The following PHACTR3 variants were observed in gnomAD, a reference collection of about 807,000 sequenced individuals.
PHACTR3 encodes protein phosphatase 1, regulatory subunit 123.
PHACTR3 carries 16 observed loss-of-function variants against 66.8 expected under a neutral mutation model. That is an observed-to-expected ratio of 0.24 (90% CI 0.16 to 0.36). The LOEUF is 0.36. Ranked by LOEUF, PHACTR3 falls within the 10% of genes least tolerant of loss-of-function variation. PHACTR3 has a pLI of 1.00. For synonymous variants in PHACTR3, 323 were observed against 292.1 expected (o/e 1.11, Z -1.08); for missense variants, 647 against 719.9 (o/e 0.90, Z 1.16).
intron 1 of PHACTR3, among the ~76,000 whole-genome samples, chr20:59,682,215 C>G (rs549816678): frequency 6.6e-6 from 1 of 152,190 alleles, no homozygotes; most frequent in Non-Finnish European, 1.5e-5. Context: ...TGGCGTGCAC[C>G]TGTAGTCCCA....
chr20:59,694,823 G>A (rs972908361), intron 1 of PHACTR3, among the ~76,000 whole-genome samples: 2 of 152,150 alleles, frequency 1.3e-5, no homozygotes, highest in African/African-American at 2.4e-5. Flanking sequence ...AGGGACAGGG[G>A]GAAATGCTGT....
At chr20:59,776,395 CTG>C (rs1400666212) in intron 7 of PHACTR3, among the ~76,000 whole-genome samples, 1 of 152,218 alleles carries the variant, frequency 6.6e-6, no homozygotes, top group African/African-American at 2.4e-5. Context: ...GCTTTCCGCT[CTG>C]TGCTAGACCC....
intron 8 of PHACTR3, among the ~76,000 whole-genome samples, chr20:59,811,539 G>T (rs2041736164): frequency 6.6e-6 from 1 of 152,144 alleles, no homozygotes; most frequent in Non-Finnish European, 1.5e-5. Flanking sequence ...GGTGCCTGTA[G>T]TCCAAGCTAC....
At chr20:59,748,306 T>A (rs2039447584) in intron 3 of PHACTR3, among the ~76,000 whole-genome samples, 1 of 152,100 alleles carries the variant, frequency 6.6e-6, no homozygotes, top group South Asian at 2.1e-4. Flanking sequence ...GCACGCCCTG[T>A]CTCATTGGTC....
intron 1 of PHACTR3, among the ~76,000 whole-genome samples, chr20:59,717,950 C>T (rs1379796385): frequency 1.3e-5 from 2 of 152,138 alleles, no homozygotes; most frequent in Admixed American, 1.3e-4. Context: ...AATGGACCTC[C>T]CATCCAGGTT....
chr20:59,616,958 C>G (rs1165405024), intron 1 of PHACTR3, among the ~76,000 whole-genome samples: 3 of 152,128 alleles, frequency 2.0e-5, no homozygotes, highest in Non-Finnish European at 4.4e-5. Flanking sequence ...GCTTTCCCCG[C>G]TCGCTTCCCC....
rs140304628 is a variant in PHACTR3, at chr20:59,752,017, T to C, written c.359-3165T>C. On this transcript the variant is annotated intron_variant, in intron 3 of 12. Coordinates refer to ENST00000371015, the MANE Select transcript of PHACTR3 (RefSeq NM_080672.5). ...TTGACTTGGCATTTTCTTAAATAATTTAAGGAATTTCCTACCCCGTCATTG... is the reference window on the plus strand; with the variant it reads ...TTGACTTGGCATTTTCTTAAATAATCTAAGGAATTTCCTACCCCGTCATTG... 2.4e-4 allele frequency among the ~76,000 whole-genome samples: 36 copies of C among 152,274 alleles called. 1 individual carries two copies. In the East Asian group the frequency reaches 7.0e-3, roughly 29 times the overall value.
chr20:59,781,750 A>G (rs996911473), intron 7 of PHACTR3, among the ~76,000 whole-genome samples: 1 of 152,322 alleles, frequency 6.6e-6, no homozygotes. Flanking sequence ...GACTATGTAC[A>G]TATTAATATG....
intron 1 of PHACTR3, among the ~76,000 whole-genome samples, chr20:59,589,266 C>G (rs767774280): frequency 1.3e-5 from 2 of 152,144 alleles, no homozygotes; most frequent in Non-Finnish European, 2.9e-5. Context: ...GGTGAGGGCG[C>G]CAGAATTTAA....
rs1309635799 is a variant in PHACTR3, at chr20:59,841,503, A to G, written c.1555A>G (p.Lys519Glu). Residue 519 changes from lysine to glutamate, a missense_variant, in exon 11 of 13, where the codon AAA becomes GAA. Lys to Glu is a moderately conservative substitution (Grantham distance 56). Coordinates refer to ENST00000371015, the MANE Select transcript of PHACTR3 (RefSeq NM_080672.5). Reference sequence around the variant, plus strand: ...GCAGGACTATGACAGGAGGGCAGACAAACCCTGGACGAGACTGTCAGCAGC... The same window carrying G: ...GCAGGACTATGACAGGAGGGCAGACGAACCCTGGACGAGACTGTCAGCAGC... Reference protein sequence around the residue: ...KAQDYDRRADKPWTRLSAADK... With the variant: ...KAQDYDRRADEPWTRLSAADK... 6.2e-7 allele frequency: 1 copy of G among 1,613,562 alleles called. No homozygotes were observed. The highest frequency in any genetic ancestry group is 8.5e-7 in the Non-Finnish European group (1 of 1,179,710).
At chr20:59,751,343 T>C (rs2039573568) in intron 3 of PHACTR3, among the ~76,000 whole-genome samples, 1 of 152,190 alleles carries the variant, frequency 6.6e-6, no homozygotes, top group Admixed American at 6.5e-5. Context: ...GGACAGGCCC[T>C]GTGAGGCTGT....
intron 1 of PHACTR3, among the ~76,000 whole-genome samples, chr20:59,653,775 A>T (rs2035531355): frequency 6.6e-6 from 1 of 152,218 alleles, no homozygotes; most frequent in South Asian, 2.1e-4. Context: ...AAAATCTTAC[A>T]TTTAAATTAG....
At chr20:59,584,468 G>A (rs1204215189) in intron 1 of PHACTR3, among the ~76,000 whole-genome samples, 1 of 152,140 alleles carries the variant, frequency 6.6e-6, no homozygotes, top group Non-Finnish European at 1.5e-5. Flanking sequence ...GTGTGAAGGT[G>A]TGCGTGAGTG....
At position 59,847,108 on chromosome 20, in the gene PHACTR3, T is replaced by A. The variant is rs1600771153; in HGVS notation, c.1665-7T>A. The A allele has an allele frequency of 3.9e-6, 6 of 1,519,730 alleles. No homozygotes were observed. In the East Asian group the frequency reaches 1.1e-4, roughly 29 times the overall value. The allele number at this position is 1,519,730 out of a possible 1,614,324, so 94.1% of individuals were successfully genotyped here. A position where few individuals can be genotyped will look rare whatever the true frequency, so the allele number is the denominator to read the frequency against. Reference sequence around the variant, plus strand: ...CTTAAATTCTTTGTCTTTTTTATAATCTCTAGATTCCACAGGCCATAGAGA... The same window carrying A: ...CTTAAATTCTTTGTCTTTTTTATAAACTCTAGATTCCACAGGCCATAGAGA... On this transcript the variant is annotated splice_region_variant and splice_polypyrimidine_tract_variant and intron_variant, in intron 12 of 12. Transcript: ENST00000371015.
At chr20:59,579,955 G>C (rs1416898894) in intron 1 of PHACTR3, among the ~76,000 whole-genome samples, 1 of 152,144 alleles carries the variant, frequency 6.6e-6, no homozygotes, top group East Asian at 1.9e-4. Context: ...CCGTGGGAGA[G>C]GGGAGGTCTG....
intron 1 of PHACTR3, among the ~76,000 whole-genome samples, chr20:59,643,701 G>A (rs764868173): frequency 3.9e-5 from 6 of 152,206 alleles, no homozygotes; most frequent in African/African-American, 4.8e-5. Flanking sequence ...ATGGAGCGGC[G>A]AGAAGCTGAG....
chr20:59,748,299 C>T lies in PHACTR3; in HGVS notation c.358+464C>T, dbSNP rs142681833. On this transcript the variant is annotated intron_variant, in intron 3 of 12. Coordinates refer to ENST00000371015, the MANE Select transcript of PHACTR3 (RefSeq NM_080672.5). ...CTGGGGCGGGGTGGGATATTGTGCA[C>T]GCCCTGTCTCATTGGTCTTCCCAGC... Among the ~76,000 whole-genome samples, 811 of 152,170 alleles carry T rather than the reference C, an allele frequency of 5.3e-3. 8 individuals are homozygous for T. The highest frequency in any genetic ancestry group is 0.019 in the African/African-American group (769 of 41,502).
chr20:59,612,693 G>T (rs1225788516), intron 1 of PHACTR3, among the ~76,000 whole-genome samples: 1 of 152,160 alleles, frequency 6.6e-6, no homozygotes, highest in Non-Finnish European at 1.5e-5. Context: ...TGACCATCCT[G>T]TTTTAAGAGT....
At chr20:59,689,956 T>C (rs2037050021) in intron 1 of PHACTR3, among the ~76,000 whole-genome samples, 1 of 152,148 alleles carries the variant, frequency 6.6e-6, no homozygotes, top group African/African-American at 2.4e-5. Flanking sequence ...CTTCCTCTGT[T>C]GGGCCCATCT....
Sources: allele counts gnomAD v4.1 joint callset (sites outside exome capture counted in the v4.1 genomes callset), GRCh38; gene constraint gnomAD v4.1.1; transcripts MANE v1.5; gene names NCBI Gene and HGNC (gene_info 2026-07-23, HGNC 2026-07-21).